KCNH4: variants seen among roughly 807,000 people sequenced by gnomAD.
KCNH4 encodes the protein potassium voltage-gated channel subfamily H member 4, also known as voltage-gated delayed rectifier potassium channel KCNH4.
In KCNH4, 33 loss-of-function variants were observed where a neutral mutation model predicts 90.7. That is an observed-to-expected ratio of 0.36 (90% confidence interval 0.28 to 0.49). The LOEUF (loss-of-function observed/expected upper bound fraction) is 0.49, where lower values mean the gene tolerates loss of function less well. KCNH4 is among the 20% of genes least tolerant of loss of function. The pLI is 0.98. For synonymous variants in KCNH4, 551 were observed against 581.7 expected, an observed-to-expected ratio of 0.95 and a Z score of 0.76; for missense variants, 1,044 against 1,387.1, an observed-to-expected ratio of 0.75 and a Z score of 3.93.
chr17:42,159,567 A>T (rs1188549021), intron 16 of KCNH4, among the ~76,000 whole-genome samples, 164 bp downstream of exon 16: 1 of 152,164 alleles, frequency 6.6e-6, no homozygotes, highest in Non-Finnish European at 1.5e-5. Flanking sequence ...GCAGAGACCC[A>T]GGGGCTGAGA....
intron 15 of KCNH4, among the ~76,000 whole-genome samples, chr17:42,160,678 A>G (rs1301741955): frequency 6.6e-6 from 1 of 152,168 alleles, no homozygotes; most frequent in Non-Finnish European, 1.5e-5. Context: ...CTTTCCCAAG[A>G]TGTTAAAAAA....
chr17:42,157,271 C>A (rs968428365), intron 16 of KCNH4, among the ~76,000 whole-genome samples, 153 bp from the exon 17 acceptor site: 3 of 152,122 alleles, frequency 2.0e-5, no homozygotes, highest in Non-Finnish European at 4.4e-5. Context: ...TGGGCTCCAC[C>A]CCGGACATTC....
At position 42,163,440 on chromosome 17, in the gene KCNH4, G is replaced by T; in HGVS notation, c.2478-106C>A. On this transcript the variant is annotated intron_variant, in intron 13 of 16. Coordinates refer to ENST00000264661, the MANE Select transcript of KCNH4 (RefSeq NM_012285.3). This position sits in a 1 kb window ranked among gnomAD's most constrained non-coding sequence, Gnocchi z 5.4. ...AGCAGTGCCAGGGGGCGGAGCAAGA[G>T]CAGCAGTCAAAGTGGGTTGGGGTTG... 1.1e-6 allele frequency: 1 copy of T among 877,886 alleles called. No homozygotes were observed. The allele number at this position is 877,886 out of a possible 1,614,324, so 54.4% of individuals were successfully genotyped here. A position where few individuals can be genotyped will look rare whatever the true frequency, so the allele number is the denominator to read the frequency against.
intron 16 of KCNH4, among the ~76,000 whole-genome samples, chr17:42,159,331 C>G (rs2079729622): frequency 6.6e-6 from 1 of 152,144 alleles, no homozygotes; most frequent in African/African-American, 2.4e-5. Flanking sequence ...CTGGCCCTGT[C>G]TCATTTTTAA....
chr17:42,176,328 CTT>C (rs2079861354), intron 4 of KCNH4, 31 bp from the exon 5 acceptor site: 1 of 1,452,178 alleles, frequency 6.9e-7, no homozygotes. Flanking sequence ...GTTGGGGACA[CTT>C]GAGGGAAAGA....
chr17:42,179,013 C>G lies in KCNH4; in HGVS notation c.90G>C (p.Leu30=). 3.1e-6 allele frequency: 5 copies of G among 1,613,032 alleles called. No individual in the cohort carries two copies. The highest frequency in any genetic ancestry group is 4.2e-6 in the Non-Finnish European group (5 of 1,179,022). The change falls in exon 2 of 17, where the codon CTG becomes CTC. Residue 30 remains leucine (L), a synonymous_variant. Coordinates refer to ENST00000264661, the MANE Select transcript of KCNH4 (RefSeq NM_012285.3). ...CCCGTGTGCCCTGTGCGTTGGCCAG[C>G]AGGAAGTTGCTGTCTGTGGGAAGAA... is the stretch of plus-strand genomic sequence containing the variant. ...TRFDGTHSNF[L]LANAQGTRGF...
At chr17:42,158,447 C>G (rs1356446837) in intron 16 of KCNH4, among the ~76,000 whole-genome samples, 1 of 150,326 alleles carries the variant, frequency 6.7e-6, no homozygotes, top group Non-Finnish European at 1.5e-5. Flanking sequence ...AGGAGAATGG[C>G]GTGAACCCGG....
intron 8 of KCNH4, 123 bp downstream of exon 8, chr17:42,169,984 T>C (rs939745165): frequency 6.8e-6 from 7 of 1,028,336 alleles, no homozygotes; most frequent in African/African-American, 1.6e-5. Flanking sequence ...CGTGAATGAA[T>C]GCGTGACTGT....
chr17:42,168,758 AT>A (rs113166284), intron 9 of KCNH4, among the ~76,000 whole-genome samples: 9,538 of 123,788 alleles, frequency 0.077, 925 homozygotes, highest in African/African-American at 0.27. Flanking sequence ...TTATTTATTT[AT>A]TTTTTTATTT....
At position 42,178,888 on chromosome 17, in the gene KCNH4, C is replaced by T. The variant is rs1282940141; in HGVS notation, c.215G>A (p.Gly72Asp). Residue 72 changes from glycine (G) to aspartate (D), a missense_variant, in exon 2 of 17, where the codon GGC (glycine) becomes GAC (aspartate). Physicochemically the swap from Gly to Asp is moderately conservative, Grantham distance 94. Around this residue, in one of 4 missense-constraint regions of KCNH4, gnomAD observed 283 missense variants for 378.6 expected, o/e 0.75. Transcript: ENST00000264661. ...CAGGGCTGGCTCACTGGTCTCTGGGCCGTAGAGGAAACGGCAGCTGCAGGT... is the reference window on the plus strand; with the variant it reads ...CAGGGCTGGCTCACTGGTCTCTGGGTCGTAGAGGAAACGGCAGCTGCAGGT... ...QKTCSCRFLYGPETSEPALQR... is the reference protein window; with the variant it reads ...QKTCSCRFLYDPETSEPALQR... 5 of 1,614,182 alleles carry T rather than the reference C, an allele frequency of 3.1e-6. No homozygotes were observed. Among genetic ancestry groups the T allele is most frequent in the Non-Finnish European group, 4.2e-6 (5 of 1,180,036 alleles).
chr17:42,169,089 A>ATT (rs199635663), intron 9 of KCNH4, among the ~76,000 whole-genome samples: 15 of 124,358 alleles, frequency 1.2e-4, no homozygotes, highest in African/African-American at 4.4e-4. Context: ...TTATTTATTT[A>ATT]TTTTTTTTGA....
chr17:42,158,054 G>T (rs1029017560), intron 16 of KCNH4, among the ~76,000 whole-genome samples: 2 of 151,722 alleles, frequency 1.3e-5, no homozygotes, highest in African/African-American at 4.8e-5. Context: ...TCAGCCTCCC[G>T]CGAAGCTGGG....
intron 6 of KCNH4, among the ~76,000 whole-genome samples, chr17:42,172,480 T>C (rs969643236): frequency 2.3e-4 from 35 of 151,316 alleles, no homozygotes; most frequent in African/African-American, 7.8e-4. Context: ...CCTTAGTAAG[T>C]ACGTTCTATG....
chr17:42,178,993 G>T lies in KCNH4; in HGVS notation c.110C>A (p.Thr37Lys). ...GCAGTAGACGATGGGAAAGCCCCGT[G>T]TGCCCTGTGCGTTGGCCAGCAGGAA... Reference protein sequence around the residue: ...SNFLLANAQGTRGFPIVYCSD... With the variant: ...SNFLLANAQGKRGFPIVYCSD... Residue 37 changes from threonine (T) to lysine (K), a missense_variant, in exon 2 of 17, where the codon ACA (threonine) becomes AAA (lysine). Thr to Lys is a moderately conservative substitution (Grantham distance 78, BLOSUM62 -1). Transcript: ENST00000264661. 1 of 1,613,994 alleles carries T rather than the reference G, an allele frequency of 6.2e-7. No individual in the cohort carries two copies. Among genetic ancestry groups the T allele is most frequent in the Non-Finnish European group, 8.5e-7 (1 of 1,179,834 alleles).
intron 1 of KCNH4, among the ~76,000 whole-genome samples, chr17:42,179,731 G>A (rs973577481): frequency 6.6e-6 from 1 of 152,228 alleles, no homozygotes; most frequent in African/African-American, 2.4e-5. Flanking sequence ...GCCTTCCAGA[G>A]AAGGTCCACT....
chr17:42,177,107 T>C (rs1305109631), intron 4 of KCNH4, among the ~76,000 whole-genome samples: 2 of 151,050 alleles, frequency 1.3e-5, no homozygotes, highest in Non-Finnish European at 3.0e-5. Context: ...TGGAGTGCAA[T>C]GGTGCAATCT....
At chr17:42,174,206 C>G (rs1254503875) in intron 6 of KCNH4, among the ~76,000 whole-genome samples, 1 of 152,166 alleles carries the variant, frequency 6.6e-6, no homozygotes, top group African/African-American at 2.4e-5. Flanking sequence ...CCTGCCCCTG[C>G]TAGGTATGTG....
Position 42,169,463 on chromosome 17 carries a change from ACCC to A in KCNH4, c.1590+11_1590+13del. On this transcript the variant is annotated intron_variant, in intron 9 of 16. Coordinates refer to ENST00000264661, the MANE Select transcript of KCNH4 (RefSeq NM_012285.3). ...GCGGAGGGCAAGGGCAAGATTGGAG[ACCC>A]TGCAGGCTACCTCGTTGGCGTCGAT... 1 of 1,611,458 alleles carries A rather than the reference ACCC, an allele frequency of 6.2e-7. No homozygotes were observed. The highest frequency in any genetic ancestry group is 8.5e-7 in the Non-Finnish European group (1 of 1,179,288).
chr17:42,169,413 C>T (rs779659831), intron 9 of KCNH4, 64 bp downstream of exon 9: 139 of 1,479,058 alleles, frequency 9.4e-5, no homozygotes, highest in Non-Finnish European at 1.3e-4. Context: ...GCAGCGACTC[C>T]TTCCCCACCC....
Sources: gnomAD v4.1 joint callset for allele counts (sites outside exome capture counted in the v4.1 genomes callset) on GRCh38, gnomAD v4.1.1 for gene constraint, gnomAD v4.1.1 regional missense constraint, Gnocchi (gnomAD v3.1) non-coding constraint, MANE v1.5 for transcripts, NCBI Gene and HGNC (gene_info 2026-07-23, HGNC 2026-07-21) for gene names.